Variants in HELLS observed in about 807,000 individuals in gnomAD.
The protein encoded by HELLS is helicase, lymphoid specific, also known as lymphoid-specific helicase.
Under a neutral mutation model 120.0 loss-of-function variants are expected in HELLS, and 32 were observed. The observed-to-expected ratio is 0.27, with a 90% CI of 0.20 to 0.36. The LOEUF is 0.36. HELLS is among the 10% of genes least tolerant of loss of function. The pLI is 1.00. For synonymous variants in HELLS, 341 were observed against 323.4 expected (o/e 1.05, Z -0.58); for missense variants, 650 against 993.4 (o/e 0.65, Z 4.65).
At chr10:94,599,221 A>G (rs1028411590) in intron 21 of HELLS, among the ~76,000 whole-genome samples, 3 of 152,198 alleles carry the variant, frequency 2.0e-5, no homozygotes, top group Non-Finnish European at 4.4e-5. Context: ...ATATTAAAAA[A>G]CAACATTATG....
chr10:94,562,614 A>G (rs1843612333), intron 4 of HELLS, 77 bp from the exon 5 acceptor site: 3 of 990,170 alleles, frequency 3.0e-6, no homozygotes, highest in Non-Finnish European at 4.6e-6. Flanking sequence ...TTTTTTCTCA[A>G]GTTAATCAGT....
At chr10:94,596,738 A>AT in intron 19 of HELLS, 122 bp from the exon 20 acceptor site, 1 of 567,884 alleles carries the variant, frequency 1.8e-6, no homozygotes, top group Non-Finnish European at 3.1e-6. Flanking sequence ...ATTTGCTTTT[A>AT]TTTTTTATCA....
At chr10:94,596,821 A>C in intron 19 of HELLS, 39 bp from the exon 20 acceptor site, 1 of 1,070,958 alleles carries the variant, frequency 9.3e-7, no homozygotes, top group African/African-American at 1.6e-5. Context: ...TGTAGTTTTA[A>C]AAGGAATTTT....
At chr10:94,589,878 G>A (rs921055506) in intron 13 of HELLS, among the ~76,000 whole-genome samples, 9 of 151,610 alleles carry the variant, frequency 5.9e-5, no homozygotes, top group Admixed American at 1.3e-4. Flanking sequence ...GAGTAGAGAC[G>A]GGGTTTCACC....
At chr10:94,585,358 TTTTGTTTTTTTTTTTTG>T (rs1845072250) in intron 12 of HELLS, among the ~76,000 whole-genome samples, 1 of 110,130 alleles carries the variant, frequency 9.1e-6, no homozygotes, top group Non-Finnish European at 1.9e-5. Flanking sequence ...AGTTTTTTTG[TTTTGTTTTTTTTTTTTG>T]TTTGTTTTTG....
chr10:94,574,293 T>TA, intron 8 of HELLS, 106 bp downstream of exon 8: 1 of 781,260 alleles, frequency 1.3e-6, no homozygotes, highest in Non-Finnish European at 2.1e-6. Context: ...TTCACTATTA[T>TA]ACATTTGTAT....
chr10:94,600,013 GGGTGTGGT>G (rs1845948356), intron 21 of HELLS, among the ~76,000 whole-genome samples: 1 of 152,070 alleles, frequency 6.6e-6, no homozygotes, highest in Admixed American at 6.5e-5. Context: ...AATGATGGCT[GGGTGTGGT>G]GGCTCATGCC....
chr10:94,571,696 G>A (rs1844176468), intron 7 of HELLS, among the ~76,000 whole-genome samples: 1 of 152,166 alleles, frequency 6.6e-6, no homozygotes, highest in Non-Finnish European at 1.5e-5. Context: ...TTGTGAATCT[G>A]GCAGTGATAC....
Position 94,582,986 on chromosome 10 carries a change from C to T in HELLS, c.1253C>T (p.Thr418Ile). ...LKSFESWFDI[T>I]SLSETAEDII... ...AGCTTTGAGTCTTGGTTTGACATCA[C>T]TAGTCTTTCTGAAACTGCTGAAGAT... The change falls in exon 12 of 22, where the codon ACT becomes ATT. Residue 418 changes from threonine (T) to isoleucine (I), a missense_variant. Thr to Ile is a moderately conservative substitution (Grantham distance 89). This residue lies in a region of HELLS where 48 missense variants were observed against 127.0 expected (regional missense o/e 0.38). Transcript: ENST00000348459. 2 of 1,602,632 alleles carry T rather than the reference C, an allele frequency of 1.2e-6. No homozygotes were observed. Among genetic ancestry groups the T allele is most frequent in the South Asian group, 1.1e-5 (1 of 89,296 alleles).
In HELLS at chr10:94,554,134, G is replaced by A. The variant is rs1273434942; in HGVS notation, c.162G>A (p.Met54Ile). The A allele has an allele frequency of 3.8e-6, 6 of 1,577,902 alleles. No homozygotes were observed. The highest frequency in any genetic ancestry group is 1.7e-4 in the Middle Eastern group (1 of 5,998). The change falls in exon 3 of 22, where the codon ATG (methionine) becomes ATA (isoleucine). Residue 54 changes from methionine to isoleucine, a missense_variant. This residue lies in a region of HELLS where 90 missense variants were observed against 93.6 expected (regional missense o/e 0.96). Coordinates refer to ENST00000348459, the MANE Select transcript of HELLS (RefSeq NM_018063.5). ...ATTTTCTCTTTGGATAGGCTCGCATGTCTTGGGATAGAGAGTCGACAGAAA... is the reference window on the plus strand; with the variant it reads ...ATTTTCTCTTTGGATAGGCTCGCATATCTTGGGATAGAGAGTCGACAGAAA... ...RERKMLEKAR[M>I]SWDRESTEIR... is the part of the protein sequence containing the mutation.
intron 7 of HELLS, among the ~76,000 whole-genome samples, chr10:94,572,708 T>G (rs1378309309): frequency 6.6e-6 from 1 of 152,230 alleles, no homozygotes; most frequent in Non-Finnish European, 1.5e-5. Context: ...ATGGTATTGT[T>G]GTGTTACGTG....
chr10:94,575,767 GTGT>G (rs1844428836), intron 9 of HELLS, among the ~76,000 whole-genome samples: 1 of 95,400 alleles, frequency 1.0e-5, no homozygotes, highest in Non-Finnish European at 2.1e-5. Context: ...GGGGGGGGTT[GTGT>G]TTGTGTGTGT....
At position 94,554,122 on chromosome 10, in the gene HELLS, A is replaced by C. The variant is rs779280223; in HGVS notation, c.154-4A>C. 3.2e-5 allele frequency: 50 copies of C among 1,568,446 alleles called. No individual in the cohort carries two copies. The highest frequency in any genetic ancestry group is 4.2e-5 in the Non-Finnish European group (49 of 1,166,228). ...ATAATTATGGAAATTTTCTCTTTGG[A>C]TAGGCTCGCATGTCTTGGGATAGAG... On this transcript the variant is annotated splice_region_variant and splice_polypyrimidine_tract_variant and intron_variant, in intron 2 of 21. Transcript: ENST00000348459.
chr10:94,572,877 CTT>C (rs1473779640), intron 7 of HELLS, among the ~76,000 whole-genome samples: 5 of 152,118 alleles, frequency 3.3e-5, no homozygotes, highest in Admixed American at 1.3e-4. Flanking sequence ...GAAATGGTAA[CTT>C]GTGTGGTTTT....
intron 21 of HELLS, among the ~76,000 whole-genome samples, chr10:94,598,004 C>CT (rs1399975616): frequency 0.021 from 2,972 of 141,848 alleles, 84 homozygotes; most frequent in Admixed American, 0.092. Context: ...TATATTGCTT[C>CT]TTTTTTTTTT....
chr10:94,603,134 C>T (rs115623362), downstream of HELLS, among the ~76,000 whole-genome samples: 495 of 152,304 alleles, frequency 3.3e-3, 3 homozygotes, highest in African/African-American at 0.011. Flanking sequence ...TATTGTTTGT[C>T]GTAGCTTGAG....
intron 18 of HELLS, among the ~76,000 whole-genome samples, chr10:94,593,936 C>T (rs906694911): frequency 6.7e-6 from 1 of 149,928 alleles, no homozygotes; most frequent in Non-Finnish European, 1.5e-5. Context: ...GCTGGCATTA[C>T]AGGCTTGAGC....
At chr10:94,552,967 A>C (rs955004625) in intron 2 of HELLS, among the ~76,000 whole-genome samples, 2 of 152,120 alleles carry the variant, frequency 1.3e-5, no homozygotes, top group African/African-American at 2.4e-5. Flanking sequence ...TGCCTTAAAA[A>C]ACGGGGTGGG....
intron 10 of HELLS, among the ~76,000 whole-genome samples, chr10:94,577,800 G>A (rs539819207): frequency 4.7e-4 from 71 of 152,130 alleles, no homozygotes; most frequent in Non-Finnish European, 9.3e-4. Flanking sequence ...GGTGGCTCAC[G>A]CCTGTAATCC....
Sources: gnomAD v4.1 joint callset for allele counts (sites outside exome capture counted in the v4.1 genomes callset) on GRCh38, gnomAD v4.1.1 for gene constraint, gnomAD v4.1.1 regional missense constraint, MANE v1.5 for transcripts, NCBI Gene and HGNC (gene_info 2026-07-23, HGNC 2026-07-21) for gene names.